The following TPD52 variants were observed in gnomAD, a reference collection of about 807,000 sequenced individuals.
The protein encoded by TPD52 is tumor protein D52.
A neutral mutation model predicts 31.3 loss-of-function variants in TPD52; 17 were observed. The ratio of observed to expected loss-of-function variants is 0.54; its 90% CI spans 0.37 to 0.82. The LOEUF (loss-of-function observed/expected upper bound fraction) is 0.82, where lower values mean the gene tolerates loss of function less well. Ranked by LOEUF, TPD52 falls within the 40% of genes least tolerant of loss-of-function variation. The pLI is 0.00. For synonymous variants in TPD52, 83 were observed against 89.6 expected (o/e 0.93, Z 0.42); for missense variants, 212 against 240.1 (o/e 0.88, Z 0.77).
chr8:80,088,682 G>C (rs1816014724), intron 1 of TPD52, among the ~76,000 whole-genome samples: 1 of 152,176 alleles, frequency 6.6e-6, no homozygotes, highest in Admixed American at 6.5e-5. Context: ...ATGTGTTGAA[G>C]CCCTAACTCC....
chr8:80,156,303 C>G (rs575746130), intron 1 of TPD52, among the ~76,000 whole-genome samples: 1 of 152,186 alleles, frequency 6.6e-6, no homozygotes, highest in Non-Finnish European at 1.5e-5. Context: ...TCAGGGTTCT[C>G]AAGGCAGCAG....
chr8:80,053,559 A>G (rs1811577314), intron 2 of TPD52, 129 bp from the exon 3 acceptor site: 2 of 1,020,094 alleles, frequency 2.0e-6, no homozygotes, highest in Non-Finnish European at 2.9e-6. Flanking sequence ...TTCTCTCTAA[A>G]AACAATGTAT....
chr8:80,119,843 C>A, intron 1 of TPD52: 1 of 416,970 alleles, frequency 2.4e-6, no homozygotes, highest in East Asian at 7.7e-5. Context: ...AAAGATAAAT[C>A]TTTCCCTAAT....
At chr8:80,134,522 A>T (rs910657395) in intron 1 of TPD52, among the ~76,000 whole-genome samples, 1 of 152,218 alleles carries the variant, frequency 6.6e-6, no homozygotes, top group Non-Finnish European at 1.5e-5. Flanking sequence ...GCCTTCAAAC[A>T]TCTCTGCATG....
At chr8:80,167,260 G>GTT (rs1489848153) in intron 1 of TPD52, among the ~76,000 whole-genome samples, 5 of 152,164 alleles carry the variant, frequency 3.3e-5, no homozygotes, top group African/African-American at 1.2e-4. Context: ...AATAATTAAG[G>GTT]CAGAAATAAT....
At chr8:80,169,078 A>G (rs7831598) in intron 1 of TPD52, among the ~76,000 whole-genome samples, 55,944 of 152,032 alleles carry the variant, frequency 0.37, 10,610 homozygotes, top group East Asian at 0.63. Context: ...TCTGCCTCCC[A>G]GTTTCTAGTG....
chr8:80,042,302 GTTATA>G (rs1810465060), intron 7 of TPD52: 1 of 985,286 alleles, frequency 1.0e-6, no homozygotes, highest in South Asian at 4.7e-5. Context: ...TGACAAGAAA[GTTATA>G]TTAAATTTTG....
chr8:80,144,170 T>C lies in TPD52; in HGVS notation c.19+27255A>G, dbSNP rs1025905332. On this transcript the variant is annotated intron_variant, in intron 1 of 7. Transcript: ENST00000518937. ...TCTCTGTCAGGAAAAATTTGTGTAATATTTTGTAATATTACATATATCATA... is the reference window on the plus strand; with the variant it reads ...TCTCTGTCAGGAAAAATTTGTGTAACATTTTGTAATATTACATATATCATA... Among the ~76,000 whole-genome samples, 4 of 152,214 alleles carry C rather than the reference T, an allele frequency of 2.6e-5. 1 individual carries two copies. The South Asian group carries it at 8.3e-4, about 31-fold the overall frequency.
chr8:80,034,389 C>T (rs929065236), downstream of TPD52, among the ~76,000 whole-genome samples: 5 of 152,108 alleles, frequency 3.3e-5, no homozygotes, highest in South Asian at 4.1e-4. Context: ...CACCTATTGC[C>T]GGCCCCTGCC....
chr8:80,034,674 GAATC>G (rs1349523276), downstream of TPD52: 1 of 152,170 alleles, frequency 6.6e-6, no homozygotes, highest in African/African-American at 2.4e-5. Context: ...TAAGAACAGA[GAATC>G]AATTCTAGAA....
chr8:80,137,638 T>C (rs1283060771), intron 1 of TPD52, among the ~76,000 whole-genome samples: 1 of 152,232 alleles, frequency 6.6e-6, no homozygotes, highest in African/African-American at 2.4e-5. Context: ...TTTGGATTCA[T>C]TTGCTTTGAA....
At chr8:80,094,762 T>TAA (rs577517120) in intron 1 of TPD52, among the ~76,000 whole-genome samples, 5 of 145,546 alleles carry the variant, frequency 3.4e-5, no homozygotes, top group African/African-American at 1.1e-4. Flanking sequence ...TACCATAATT[T>TAA]AAAAAAAAAA....
intron 1 of TPD52, among the ~76,000 whole-genome samples, chr8:80,109,697 G>A (rs1168020997): frequency 1.3e-5 from 2 of 152,158 alleles, no homozygotes; most frequent in Non-Finnish European, 1.5e-5. Flanking sequence ...GTGAGCCACC[G>A]CGCCTGGCCC....
At position 80,064,537 on chromosome 8, in the gene TPD52, T is replaced by C. The variant is rs201546255; in HGVS notation, c.76A>G (p.Ser26Gly). The C allele has an allele frequency of 1.2e-6, 2 of 1,614,220 alleles. No homozygotes were observed. Among genetic ancestry groups the C allele is most frequent in the South Asian group, 1.1e-5 (1 of 91,084 alleles). Residue 26 changes from serine (S) to glycine (G), a missense_variant, in exon 2 of 8, where the codon AGT becomes GGT. Coordinates refer to ENST00000518937, the MANE Select transcript of TPD52 (RefSeq NM_001025253.3). ...TCTTCCGAGAGGGTCTCTGTGGCAC[T>C]GATCGTGGCAGCAACATCTTCTCCT... ...EEGEDVAATI[S>G]ATETLSEEEQ...
At chr8:80,124,478 A>C (rs1484547157) in intron 1 of TPD52, among the ~76,000 whole-genome samples, 1 of 152,146 alleles carries the variant, frequency 6.6e-6, no homozygotes, top group Non-Finnish European at 1.5e-5. Context: ...CAGCCTGGCA[A>C]GTTTCATAGA....
At chr8:80,094,221 A>G (rs1056217030) in intron 1 of TPD52, among the ~76,000 whole-genome samples, 1 of 151,906 alleles carries the variant, frequency 6.6e-6, no homozygotes, top group Non-Finnish European at 1.5e-5. Context: ...AGCCAGATCT[A>G]TGAAACCATA....
intron 1 of TPD52, among the ~76,000 whole-genome samples, chr8:80,114,525 T>C (rs1371811977): frequency 6.6e-6 from 1 of 152,186 alleles, no homozygotes; most frequent in Admixed American, 6.5e-5. Context: ...TTAATTAATG[T>C]CATTGTCCAG....
At chr8:80,160,011 T>G (rs1319120162) in intron 1 of TPD52, among the ~76,000 whole-genome samples, 2 of 152,070 alleles carry the variant, frequency 1.3e-5, no homozygotes, top group Non-Finnish European at 2.9e-5. Context: ...GGCAACATAG[T>G]AAGACCTTGC....
At chr8:80,115,512 GT>G (rs1450505647) in intron 1 of TPD52, among the ~76,000 whole-genome samples, 1 of 152,138 alleles carries the variant, frequency 6.6e-6, no homozygotes, top group Non-Finnish European at 1.5e-5. Flanking sequence ...ACAGTAGAAT[GT>G]CACCTAGAGA....
Sources: gnomAD v4.1 joint callset for allele counts (sites outside exome capture counted in the v4.1 genomes callset) on GRCh38, gnomAD v4.1.1 for gene constraint, MANE v1.5 for transcripts, NCBI Gene and HGNC (gene_info 2026-07-23, HGNC 2026-07-21) for gene names.